Variants in SRA1 observed in about 807,000 individuals in gnomAD.
SRA1 encodes the protein steroid receptor RNA activator 1, also known as lncRNA SRA.
In SRA1, 25 loss-of-function variants were observed where a neutral mutation model predicts 24.3. The ratio of observed to expected loss-of-function variants is 1.03; its 90% CI spans 0.75 to 1.43. The LOEUF (loss-of-function observed/expected upper bound fraction) is 1.43, where lower values mean the gene tolerates loss of function less well. SRA1 is among the 40% of genes most tolerant of loss of function. The probability of loss-of-function intolerance (pLI) is 0.00; values close to 1 mark genes in which losing one functional copy is unlikely to be tolerated. For missense variants in SRA1, 303 were observed against 286.6 expected, an observed-to-expected ratio of 1.06 and a Z score of -0.41; for synonymous variants, 104 against 109.5, an observed-to-expected ratio of 0.95 and a Z score of 0.31.
chr5:140,551,731 C>G (rs1465366773), intron 3 of SRA1: 3 of 390,932 alleles, frequency 7.7e-6, no homozygotes, highest in African/African-American at 4.1e-5. Context: ...TCAGGTTGTT[C>G]ACTAATAGGA....
At chr5:140,555,532 C>T (rs899591175) in intron 2 of SRA1, among the ~76,000 whole-genome samples, 2 of 152,160 alleles carry the variant, frequency 1.3e-5, no homozygotes, top group Non-Finnish European at 2.9e-5. Context: ...TGCGCCTGGC[C>T]TCTCCTTTTT....
intron 2 of SRA1, among the ~76,000 whole-genome samples, chr5:140,554,469 C>T (rs1329325828): frequency 6.6e-6 from 1 of 152,200 alleles, no homozygotes; most frequent in African/African-American, 2.4e-5. Flanking sequence ...AACCCACCTG[C>T]ATCTGTGGCC....
At chr5:140,553,958 T>G (rs1180580605) in intron 2 of SRA1, among the ~76,000 whole-genome samples, 1 of 152,158 alleles carries the variant, frequency 6.6e-6, no homozygotes, top group African/African-American at 2.4e-5. Flanking sequence ...AGTCAAAAGT[T>G]TACTTTTAGG....
At chr5:140,557,387 G>A (rs1754751428) in intron 1 of SRA1, 41 bp downstream of exon 1, 1 of 1,599,648 alleles carries the variant, frequency 6.3e-7, no homozygotes, top group Non-Finnish European at 8.5e-7. Flanking sequence ...AGCCTAGGCC[G>A]GGGCGACAAC....
intron 2 of SRA1, among the ~76,000 whole-genome samples, chr5:140,556,650 G>A (rs992693520): frequency 2.0e-5 from 3 of 150,052 alleles, no homozygotes; most frequent in Non-Finnish European, 3.0e-5. Flanking sequence ...GCTGCAACGT[G>A]GACTTCCTGA....
chr5:140,557,048 A>C, intron 2 of SRA1, 99 bp downstream of exon 2: 1 of 1,142,276 alleles, frequency 8.8e-7, no homozygotes, highest in Non-Finnish European at 1.2e-6. Flanking sequence ...CTCCTTAAGG[A>C]GCCCTCGGGG....
rs753954460 is a variant in SRA1 at position 140,551,049 on chromosome 5, A to T, written c.463+12T>A. On this transcript the variant is annotated intron_variant, in intron 4 of 4. Coordinates refer to ENST00000336283, the MANE Select transcript of SRA1 (RefSeq NM_001035235.4). The stretch of plus-strand genomic sequence containing the variant: ...AAAGGGATTTAGGCTATACCAAAGA[A>T]CCCACCCATACCTTGCACCAGTAGA... 6.2e-7 allele frequency: 1 copy of T among 1,608,418 alleles called. No individual in the cohort carries two copies. The highest frequency in any genetic ancestry group is 8.5e-7 in the Non-Finnish European group (1 of 1,174,870).
chr5:140,556,728 A>G (rs774707069), intron 2 of SRA1, among the ~76,000 whole-genome samples: 8 of 151,688 alleles, frequency 5.3e-5, no homozygotes, highest in Non-Finnish European at 1.2e-4. Context: ...CCTGACTTAT[A>G]GAAGTGCTCA....
rs1754579407 is a variant in SRA1 at position 140,552,097 on chromosome 5, C to A, written c.239G>T (p.Ser80Ile). 6.2e-7 allele frequency: 1 copy of A among 1,613,810 alleles called. No homozygotes were observed. The highest frequency in any genetic ancestry group is 8.5e-7 in the Non-Finnish European group (1 of 1,179,820). The change falls in exon 3 of 5, where the codon AGT (serine) becomes ATT (isoleucine). Residue 80 changes from serine (S) to isoleucine (I), a missense_variant. Ser to Ile is a moderately radical substitution (Grantham distance 142). Transcript: ENST00000336283. ...SKAPRSPPVG[S>I]GPASGVEPTS... ...GGGCTCCACGCCAGAGGCAGGACCA[C>A]TCCCCACAGGTGGGGACCTGGGAGC...
intron 4 of SRA1, 32 bp downstream of exon 4, chr5:140,551,029 G>A: frequency 6.3e-7 from 1 of 1,594,310 alleles, no homozygotes; most frequent in Non-Finnish European, 8.6e-7. Context: ...GCAGGAAAGG[G>A]ATTTAGGCTA....
At chr5:140,556,478 T>C (rs913368956) in intron 2 of SRA1, among the ~76,000 whole-genome samples, 1 of 152,250 alleles carries the variant, frequency 6.6e-6, no homozygotes, top group African/African-American at 2.4e-5. Context: ...GCCAAACTTA[T>C]TCCTTTTGCA....
intron 2 of SRA1, among the ~76,000 whole-genome samples, chr5:140,553,599 A>G (rs1163096097): frequency 6.6e-6 from 1 of 152,208 alleles, no homozygotes; most frequent in African/African-American, 2.4e-5. Context: ...GCTTTGGAAG[A>G]GTTTGATCTT....
In SRA1 at chr5:140,557,301, G is replaced by C. The variant is rs199580553; in HGVS notation, c.26-29C>G. On this transcript the variant is annotated intron_variant, in intron 1 of 4. Coordinates refer to ENST00000336283, the MANE Select transcript of SRA1 (RefSeq NM_001035235.4). Reference sequence around the variant, plus strand: ...CGGAGGCGAGGGATGTGTGAAGCGAGCCCGGAACTCCACTGTTAGCTTATA... The same window carrying C: ...CGGAGGCGAGGGATGTGTGAAGCGACCCCGGAACTCCACTGTTAGCTTATA... 4.7e-5 allele frequency: 75 copies of C among 1,608,102 alleles called. No individual in the cohort carries two copies. The African/African-American group carries it at 8.0e-4, about 17-fold the overall frequency.
chr5:140,555,949 C>A (rs1561861851), intron 2 of SRA1, among the ~76,000 whole-genome samples: 1 of 152,204 alleles, frequency 6.6e-6, no homozygotes, highest in Non-Finnish European at 1.5e-5. Context: ...CTTTCCACTT[C>A]CCTAAAATCT....
intron 2 of SRA1, among the ~76,000 whole-genome samples, chr5:140,556,225 G>A (rs58270009): frequency 6.6e-6 from 1 of 151,978 alleles, no homozygotes; most frequent in Non-Finnish European, 1.5e-5. Context: ...TTCTTCTACA[G>A]CAAAAAGGGT....
At position 140,552,110 on chromosome 5, in the gene SRA1, G is replaced by C. The variant is rs1754579890; in HGVS notation, c.226C>G (p.Pro76Ala). 4.3e-6 allele frequency: 7 copies of C among 1,613,398 alleles called. No homozygotes were observed. Among genetic ancestry groups the C allele is most frequent in the African/African-American group, 1.3e-5 (1 of 74,932 alleles). ...GAGGCAGGACCACTCCCCACAGGTG[G>C]GGACCTGGGAGCCTTACTTGAAGGA... ...PPPSSKAPRS[P>A]PVGSGPASGV... Residue 76 changes from proline (P) to alanine (A), a missense_variant, in exon 3 of 5, where the codon CCA becomes GCA. Physicochemically the swap from Pro to Ala is conservative, Grantham distance 27. Transcript: ENST00000336283.
In SRA1 at chr5:140,552,179, C is replaced by G. The variant is rs146775907; in HGVS notation, c.157G>C (p.Ala53Pro). 4 of 1,567,180 alleles carry G rather than the reference C, an allele frequency of 2.6e-6. No homozygotes were observed. In the African/African-American group the frequency reaches 5.6e-5, roughly 22 times the overall value. Residue 53 changes from alanine (A) to proline (P), a missense_variant, in exon 3 of 5, where the codon GCA becomes CCA. Transcript: ENST00000336283. ...APQDGSPRVP[A>P]SETSPGPPPM... is the part of the protein sequence containing the mutation. ...GGAGGCCCAGGAGAAGTCTCTGATG[C>G]GGGGACTGAAAAGGTACAGCAGGAT...
At chr5:140,553,236 G>T (rs1754609871) in intron 2 of SRA1, among the ~76,000 whole-genome samples, 1 of 152,032 alleles carries the variant, frequency 6.6e-6, no homozygotes, top group Admixed American at 6.6e-5. Context: ...AGCACACTGG[G>T]AGGCAGAGGC....
rs767835651 is a variant in SRA1, at chr5:140,557,394, C to CG, written c.25+33_25+34insC. 21 of 1,596,846 alleles carry CG rather than the reference C, an allele frequency of 1.3e-5. No individual in the cohort carries two copies. In the South Asian group the frequency reaches 2.0e-4, roughly 15 times the overall value. ...CCGCCCCCAGCCTAGGCCGGGGCGA[C>CG]AACCTAGTGCCCTAGCCCGCCGGCT... On this transcript the variant is annotated intron_variant, in intron 1 of 4. Coordinates refer to ENST00000336283, the MANE Select transcript of SRA1 (RefSeq NM_001035235.4).
Sources: gnomAD v4.1 joint callset for allele counts (sites outside exome capture counted in the v4.1 genomes callset) on GRCh38, gnomAD v4.1.1 for gene constraint, MANE v1.5 for transcripts, NCBI Gene and HGNC (gene_info 2026-07-23, HGNC 2026-07-21) for gene names.